The following DNAH11 variants were observed in gnomAD, a reference collection of about 807,000 sequenced individuals.
DNAH11 encodes the protein axonemal beta dynein heavy chain 11.
A neutral mutation model predicts 526.0 loss-of-function variants in DNAH11; 442 were observed. The ratio of observed to expected loss-of-function variants is 0.84; its 90% confidence interval spans 0.78 to 0.91. The LOEUF (loss-of-function observed/expected upper bound fraction) is 0.91. DNAH11 is among the 40% of genes least tolerant of loss of function. The pLI is 0.00. For synonymous variants in DNAH11, 2,461 were observed against 1,935.9 expected, an observed-to-expected ratio of 1.27 and a Z score of -7.12; for missense variants, 6,989 against 5,448.7, an observed-to-expected ratio of 1.28 and a Z score of -8.90.
At chr7:21,811,740 C>G (rs191230534) in intron 63 of DNAH11, among the ~76,000 whole-genome samples, 47 of 152,198 alleles carry the variant, frequency 3.1e-4, no homozygotes, top group Admixed American at 1.4e-3. Flanking sequence ...GTATATTTTA[C>G]CACAGTAAAA....
At chr7:21,668,384 A>G (rs775813176) in intron 30 of DNAH11, among the ~76,000 whole-genome samples, 1 of 152,210 alleles carries the variant, frequency 6.6e-6, no homozygotes, top group Non-Finnish European at 1.5e-5. Flanking sequence ...GTCTTATAAA[A>G]GATTTGCACT....
chr7:21,615,994 T>C (rs570597408), intron 21 of DNAH11, among the ~76,000 whole-genome samples: 4 of 152,352 alleles, frequency 2.6e-5, no homozygotes, highest in African/African-American at 9.6e-5. Context: ...TACTAGAAAT[T>C]AATATATCAT....
chr7:21,580,802 A>G (rs1784280094), intron 8 of DNAH11, among the ~76,000 whole-genome samples: 1 of 152,210 alleles, frequency 6.6e-6, no homozygotes, highest in Admixed American at 6.5e-5. Context: ...AGGATTTCAA[A>G]ATAAAATTTT....
chr7:21,896,405 C>G (rs1784518031), intron 79 of DNAH11, among the ~76,000 whole-genome samples: 2 of 152,140 alleles, frequency 1.3e-5, no homozygotes, highest in African/African-American at 4.8e-5. Flanking sequence ...CTTTGATGTT[C>G]TAACTCCATG....
intron 44 of DNAH11, among the ~76,000 whole-genome samples, chr7:21,722,700 A>G (rs1319766739): frequency 6.6e-6 from 1 of 152,130 alleles, no homozygotes; most frequent in Admixed American, 6.6e-5. Context: ...GTGAGAGTCA[A>G]GTGTTCGTGT....
intron 30 of DNAH11, among the ~76,000 whole-genome samples, chr7:21,680,901 AAGTT>A (rs1443057388): frequency 2.0e-5 from 3 of 152,100 alleles, no homozygotes; most frequent in Admixed American, 6.5e-5. Context: ...GCTTTTTTGA[AAGTT>A]AGTCTAATTT....
intron 36 of DNAH11, 124 bp downstream of exon 36, chr7:21,698,337 A>G (rs1392160553): frequency 1.3e-5 from 17 of 1,356,342 alleles, no homozygotes; most frequent in Non-Finnish European, 1.6e-5. Flanking sequence ...GTACTTAAAA[A>G]AATTCAATAG....
chr7:21,808,119 T>TAAC, intron 63 of DNAH11, 70 bp downstream of exon 63: 1 of 1,257,524 alleles, frequency 8.0e-7, no homozygotes, highest in Non-Finnish European at 1.0e-6. Context: ...AAAACCCACA[T>TAAC]ATATGCCAGG....
chr7:21,629,258 A>G (rs573046180), intron 25 of DNAH11, among the ~76,000 whole-genome samples: 3 of 152,202 alleles, frequency 2.0e-5, no homozygotes, highest in Non-Finnish European at 4.4e-5. Context: ...TTTCATTGTA[A>G]TCAGAAAAGG....
chr7:21,571,759 T>C, intron 7 of DNAH11, 47 bp from the exon 8 acceptor site: 1 of 1,396,934 alleles, frequency 7.2e-7, no homozygotes. Flanking sequence ...TTAAAATATT[T>C]TGCTGCTCAA....
chr7:21,899,185 C>A lies in DNAH11; in HGVS notation c.13050-151C>A, dbSNP rs188920930. The A allele has an allele frequency of 7.5e-6, 5 of 666,340 alleles. No individual in the cohort carries two copies. In the Admixed American group the frequency reaches 1.1e-4, roughly 15 times the overall value. The allele number at this position is 666,340 out of a possible 1,614,324, so 41.3% of individuals were successfully genotyped here. A position where few individuals can be genotyped will look rare whatever the true frequency, so the allele number is the denominator to read the frequency against. On this transcript the variant is annotated intron_variant, in intron 79 of 81. Coordinates refer to ENST00000409508, the MANE Select transcript of DNAH11 (RefSeq NM_001277115.2). The stretch of plus-strand genomic sequence containing the variant: ...AAACTAGCCCTTTAAAGGGACAGTG[C>A]CCTGCAAATTGTCAGGGAAGGATTT...
At chr7:21,813,361 G>A (rs995069692) in intron 63 of DNAH11, among the ~76,000 whole-genome samples, 1 of 152,176 alleles carries the variant, frequency 6.6e-6, no homozygotes, top group Admixed American at 6.5e-5. Context: ...CTAATGCTAA[G>A]CCTCTGTGTC....
At chr7:21,772,153 T>G (rs1259408205) in intron 55 of DNAH11, among the ~76,000 whole-genome samples, 2 of 152,160 alleles carry the variant, frequency 1.3e-5, no homozygotes, top group Non-Finnish European at 2.9e-5. Flanking sequence ...GCCATTTTGT[T>G]AAGCCTGATA....
chr7:21,823,355 A>G (rs939500596), intron 65 of DNAH11, among the ~76,000 whole-genome samples: 4 of 152,016 alleles, frequency 2.6e-5, no homozygotes, highest in East Asian at 1.9e-4. Context: ...GCAGTTTCCT[A>G]TAACATAGCC....
chr7:21,625,229 C>G (rs1786273648), intron 25 of DNAH11, among the ~76,000 whole-genome samples: 1 of 151,874 alleles, frequency 6.6e-6, no homozygotes, highest in Non-Finnish European at 1.5e-5. Flanking sequence ...CTGTTGAGAT[C>G]TTTTATTTCT....
intron 81 of DNAH11, among the ~76,000 whole-genome samples, chr7:21,900,689 T>TGGTGAACTGGAGATTTTTA (rs1268580808): frequency 6.6e-6 from 1 of 152,170 alleles, no homozygotes; most frequent in Non-Finnish European, 1.5e-5. Flanking sequence ...GGAGGAAATG[T>TGGTGAACTGGAGATTTTTA]GGTGAACTGG....
chr7:21,690,028 A>G (rs940472099), intron 34 of DNAH11, among the ~76,000 whole-genome samples: 2 of 152,206 alleles, frequency 1.3e-5, no homozygotes, highest in African/African-American at 4.8e-5. Context: ...AGTGCCTTTA[A>G]GTGACAGTAA....
intron 62 of DNAH11, among the ~76,000 whole-genome samples, chr7:21,804,246 C>T (rs142165749): frequency 6.6e-6 from 1 of 152,014 alleles, no homozygotes; most frequent in Non-Finnish European, 1.5e-5. Context: ...GTACCTGGGA[C>T]TACAGGTGCC....
At position 21,901,334 on chromosome 7, in the gene DNAH11, A is replaced by G. The variant is rs562191679; in HGVS notation, c.*80A>G. On this transcript the variant is annotated 3_prime_UTR_variant, in exon 82 of 82. Coordinates refer to ENST00000409508, the MANE Select transcript of DNAH11 (RefSeq NM_001277115.2). Reference sequence around the variant, plus strand: ...ATGTTGCTGCACTGTTCCCATGCACATTATTCTAACTTTTTAGTAACTCAC... The same window carrying G: ...ATGTTGCTGCACTGTTCCCATGCACGTTATTCTAACTTTTTAGTAACTCAC... The G allele has an allele frequency of 2.5e-5, 35 of 1,414,400 alleles. No individual in the cohort carries two copies. Among genetic ancestry groups the G allele is most frequent in the Non-Finnish European group, 3.2e-5 (34 of 1,073,800 alleles). The allele number at this position is 1,414,400 out of a possible 1,614,324, so 87.6% of individuals were successfully genotyped here.
Sources: allele counts gnomAD v4.1 joint callset (sites outside exome capture counted in the v4.1 genomes callset), GRCh38; gene constraint gnomAD v4.1.1; transcripts MANE v1.5; gene names NCBI Gene and HGNC (gene_info 2026-07-23, HGNC 2026-07-21).